Variants in KNTC1 observed in about 807,000 individuals in gnomAD.
The protein encoded by KNTC1 is kinetochore associated 1.
A neutral mutation model predicts 314.4 loss-of-function variants in KNTC1; 253 were observed. The ratio of observed to expected loss-of-function variants is 0.80; its 90% CI spans 0.73 to 0.89. The LOEUF is 0.89. Ranked by LOEUF, KNTC1 falls within the 40% of genes least tolerant of loss-of-function variation. KNTC1 has a pLI of 0.00. For missense variants in KNTC1, 2,475 were observed against 2,572.9 expected (o/e 0.96, Z 0.82); for synonymous variants, 901 against 901.4 (o/e 1.00, Z 0.01).
rs2138160802 is a variant in KNTC1, at chr12:122,613,241, A to G, written c.5741+11A>G. On this transcript the variant is annotated intron_variant, in intron 54 of 63. Transcript: ENST00000333479. ...CATTGAAGAAGTGAAGTAAGTAGAA[A>G]TGTTTAAATTGTATTAAGAAATAGG... 6.7e-7 allele frequency: 1 copy of G among 1,485,904 alleles called. No homozygotes were observed. The highest frequency in any genetic ancestry group is 9.4e-7 in the Non-Finnish European group (1 of 1,068,470). The allele number at this position is 1,485,904 out of a possible 1,614,324, so 92.0% of individuals were successfully genotyped here. A position where few individuals can be genotyped will look rare whatever the true frequency, so the allele number is the denominator to read the frequency against.
chr12:122,545,145 T>C (rs965787840), intron 8 of KNTC1, among the ~76,000 whole-genome samples: 21 of 152,236 alleles, frequency 1.4e-4, no homozygotes, highest in Admixed American at 4.6e-4. Flanking sequence ...ATAATTTCTT[T>C]AAATTTTGGG....
At position 122,540,985 on chromosome 12, in the gene KNTC1, A is replaced by G. The variant is rs74751283; in HGVS notation, c.446-1065A>G. 5.3e-3 allele frequency among the ~76,000 whole-genome samples: 806 copies of G among 152,158 alleles called. 4 individuals carry two copies. Among genetic ancestry groups the G allele is most frequent in the Non-Finnish European group, 7.7e-3 (524 of 67,990 alleles). On this transcript the variant is annotated intron_variant, in intron 5 of 63. Coordinates refer to ENST00000333479, the MANE Select transcript of KNTC1 (RefSeq NM_014708.6). ...TAGGAGCTCGAAACCAGCCTGGATA[A>G]TATAGAGAGACCGCCACCTCTACAA...
Position 122,603,029 on chromosome 12 carries a change from C to A in KNTC1, c.4887C>A (p.Phe1629Leu), listed in dbSNP as rs1040371294. The change falls in exon 48 of 64, where the codon TTC (phenylalanine) becomes TTA (leucine). Residue 1629 changes from phenylalanine (F) to leucine (L), a missense_variant and splice_region_variant. Physicochemically the swap from Phe to Leu is conservative, Grantham distance 22 (BLOSUM62 0). Coordinates refer to ENST00000333479, the MANE Select transcript of KNTC1 (RefSeq NM_014708.6). Reference sequence around the variant, plus strand: ...CATAACCTTCCTTTTCTTTGAAGTTCTCTCTGGACACTCTGTACGTGTCTA... The same window carrying A: ...CATAACCTTCCTTTTCTTTGAAGTTATCTCTGGACACTCTGTACGTGTCTA... ...TLLLISKLMK[F>L]SLDTLYVSTA... is the part of the protein sequence containing the mutation. 15 of 1,612,624 alleles carry A rather than the reference C, an allele frequency of 9.3e-6. No homozygotes were observed. Among genetic ancestry groups the A allele is most frequent in the Non-Finnish European group, 1.3e-5 (15 of 1,179,298 alleles).
intron 55 of KNTC1, 27 bp from the exon 56 acceptor site, chr12:122,614,964 A>G (rs780583012): frequency 1.1e-5 from 17 of 1,551,576 alleles, no homozygotes; most frequent in Middle Eastern, 1.7e-4. Flanking sequence ...TTGGAATAGC[A>G]TGATTTTTTT....
intron 18 of KNTC1, among the ~76,000 whole-genome samples, chr12:122,558,292 A>T (rs1565954075): frequency 6.6e-6 from 1 of 151,590 alleles, no homozygotes; most frequent in Non-Finnish European, 1.5e-5. Flanking sequence ...TACTCCTGTA[A>T]TCCCAGCACT....
chr12:122,530,253 T>C, intron 2 of KNTC1, 61 bp downstream of exon 2: 2 of 1,434,922 alleles, frequency 1.4e-6, no homozygotes. Flanking sequence ...TTAGTAGGGC[T>C]AGTGGCCCAC....
chr12:122,601,381 G>A (rs550095658), intron 44 of KNTC1, among the ~76,000 whole-genome samples, 155 bp from the exon 45 acceptor site: 17 of 152,254 alleles, frequency 1.1e-4, no homozygotes, highest in South Asian at 6.2e-4. Flanking sequence ...CACCGTGCCC[G>A]GCCGATTGTA....
Position 122,547,937 on chromosome 12 carries a change from T to A in KNTC1, c.955T>A (p.Leu319Ile). The change falls in exon 12 of 64, where the codon TTA becomes ATA. Residue 319 changes from leucine to isoleucine, a missense_variant. By Grantham distance (5) the Leu-to-Ile change is conservative. Transcript: ENST00000333479. ...VTWQGITNLK[L>I]IALTASANKK... The stretch of plus-strand genomic sequence containing the variant: ...TAGGCAAGGAATTACAAATCTCAAA[T>A]TAATAGCTCTGACAGCTTCAGCTAA... 1 of 1,551,314 alleles carries A rather than the reference T, an allele frequency of 6.4e-7. No individual in the cohort carries two copies. Among genetic ancestry groups the A allele is most frequent in the Non-Finnish European group, 8.7e-7 (1 of 1,153,168 alleles).
At chr12:122,568,469 G>T (rs1464046935) in intron 21 of KNTC1, 97 bp downstream of exon 21, 2 of 759,554 alleles carry the variant, frequency 2.6e-6, no homozygotes, top group East Asian at 5.0e-5. Flanking sequence ...GTCTGACTGG[G>T]TGATGGGATG....
chr12:122,614,141 C>T (rs1235247049), intron 55 of KNTC1, among the ~76,000 whole-genome samples: 1 of 152,150 alleles, frequency 6.6e-6, no homozygotes, highest in Admixed American at 6.6e-5. Flanking sequence ...CAGGAACAGT[C>T]TGTATCCCTG....
Position 122,576,920 on chromosome 12 carries a change from A to G in KNTC1, c.2612A>G (p.Gln871Arg). The G allele has an allele frequency of 6.3e-7, 1 of 1,593,614 alleles. No homozygotes were observed. Reference sequence around the variant, plus strand: ...AGAGTGGTTAGATACATTCTCAAACAAGATGTCCCATCTTCTTTAGAAGAT... The same window carrying G: ...AGAGTGGTTAGATACATTCTCAAACGAGATGTCCCATCTTCTTTAGAAGAT... Reference protein sequence around the residue: ...IMRVVRYILKQDVPSSLEDAL... With the variant: ...IMRVVRYILKRDVPSSLEDAL... Residue 871 changes from glutamine (Q) to arginine (R), a missense_variant, in exon 30 of 64, where the codon CAA becomes CGA. By Grantham distance (43) the Gln-to-Arg change is conservative. Coordinates refer to ENST00000333479, the MANE Select transcript of KNTC1 (RefSeq NM_014708.6).
chr12:122,610,898 A>G lies in KNTC1; in HGVS notation c.5620A>G (p.Thr1874Ala), dbSNP rs761271707. 13 of 1,608,080 alleles carry G rather than the reference A, an allele frequency of 8.1e-6. No individual in the cohort carries two copies. In the East Asian group the frequency reaches 2.0e-4, roughly 25 times the overall value. ...MLFVFATSTTTTLGMHQLTFA... is the reference protein window; with the variant it reads ...MLFVFATSTTATLGMHQLTFA... ...GTTTGTATTTGCAACATCAACTACA[A>G]CCGTAAGCTCTAGAAACTTAATCCA... Residue 1874 changes from threonine (T) to alanine (A), a missense_variant and splice_region_variant, in exon 53 of 64, where the codon ACC becomes GCC. Thr to Ala is a moderately conservative substitution (Grantham distance 58). Coordinates refer to ENST00000333479, the MANE Select transcript of KNTC1 (RefSeq NM_014708.6).
At position 122,546,771 on chromosome 12, in the gene KNTC1, A is replaced by C. The variant is rs191650237; in HGVS notation, c.816+97A>C. 82 of 733,946 alleles carry C rather than the reference A, an allele frequency of 1.1e-4. No individual in the cohort carries two copies. In the African/African-American group the frequency reaches 1.3e-3, roughly 11 times the overall value. 45.5% of individuals were successfully genotyped at this position (733,946 alleles called of 1,614,324 possible). A position where few individuals can be genotyped will look rare whatever the true frequency, so the allele number is the denominator to read the frequency against. Reference sequence around the variant, plus strand: ...GCAAGGGTTTTAGCTAGGGTGGATAACTATCTTGTGTACTGTGCTTTTTTT... The same window carrying C: ...GCAAGGGTTTTAGCTAGGGTGGATACCTATCTTGTGTACTGTGCTTTTTTT... On this transcript the variant is annotated intron_variant, in intron 10 of 63. Coordinates refer to ENST00000333479, the MANE Select transcript of KNTC1 (RefSeq NM_014708.6).
At chr12:122,601,785 A>G in intron 45 of KNTC1, 160 bp downstream of exon 45, 4 of 775,796 alleles carry the variant, frequency 5.2e-6, no homozygotes, top group Non-Finnish European at 7.1e-6. Flanking sequence ...TCTTTAAAAA[A>G]AGAAAAAGAT....
In KNTC1 at chr12:122,530,187, G is replaced by T; in HGVS notation, c.124G>T (p.Glu42Ter). 2 of 1,612,928 alleles carry T rather than the reference G, an allele frequency of 1.2e-6. No homozygotes were observed. The highest frequency in any genetic ancestry group is 2.2e-5 in the South Asian group (2 of 90,880). ...QVDLLVKISS[E>*]KASLNPKIQA... ...AGATTTGCTAGTGAAGATCTCTTCT[G>T]AAAAGGTAGTGATTATTACACTGAC... Residue 42 changes from glutamate (E) to a stop codon, truncating the protein, a stop_gained, in exon 2 of 64, where the codon GAA becomes TAA. Transcript: ENST00000333479. LOFTEE classifies it high-confidence loss of function.
chr12:122,608,085 T>G (rs1282956522), intron 51 of KNTC1, among the ~76,000 whole-genome samples: 1 of 152,194 alleles, frequency 6.6e-6, no homozygotes, highest in East Asian at 1.9e-4. Context: ...AATCTATTTG[T>G]AAACAAATAG....
intron 56 of KNTC1, 135 bp from the exon 57 acceptor site, chr12:122,615,335 T>C (rs1375308256): frequency 2.5e-6 from 2 of 808,774 alleles, no homozygotes; most frequent in African/African-American, 3.5e-5. Context: ...AACTTGTAAG[T>C]GAACTTCTCT....
intron 20 of KNTC1, among the ~76,000 whole-genome samples, chr12:122,564,855 G>A (rs1274146242): frequency 6.6e-6 from 1 of 151,976 alleles, no homozygotes; most frequent in African/African-American, 2.4e-5. Context: ...TCCCTTCATT[G>A]TTAATTTATT....
chr12:122,546,361 C>T, intron 9 of KNTC1, 92 bp downstream of exon 9: 1 of 771,066 alleles, frequency 1.3e-6, no homozygotes, highest in Non-Finnish European at 2.2e-6. Context: ...GGTCATTTTA[C>T]CCTACCACTC....
Sources: gnomAD v4.1 joint callset for allele counts (sites outside exome capture counted in the v4.1 genomes callset) on GRCh38, gnomAD v4.1.1 for gene constraint, MANE v1.5 for transcripts, NCBI Gene and HGNC (gene_info 2026-07-23, HGNC 2026-07-21) for gene names.